The following PAK1 variants were observed in gnomAD, a reference collection of about 807,000 sequenced individuals.
PAK1 encodes serine/threonine-protein kinase PAK 1.
In PAK1, 29 loss-of-function variants were observed where a neutral mutation model predicts 67.4. The ratio of observed to expected loss-of-function variants is 0.43; its 90% CI spans 0.32 to 0.59. PAK1 has a LOEUF of 0.59. PAK1 is among the 20% of genes least tolerant of loss of function. The probability of loss-of-function intolerance (pLI) is 0.07; values close to 1 mark genes in which losing one functional copy is unlikely to be tolerated. For synonymous variants in PAK1, 223 were observed against 237.4 expected, an observed-to-expected ratio of 0.94 and a Z score of 0.56; for missense variants, 337 against 670.7, an observed-to-expected ratio of 0.50 and a Z score of 5.50.
At chr11:77,325,576 G>C (rs1939612383) in intron 14 of PAK1, among the ~76,000 whole-genome samples, 1 of 152,108 alleles carries the variant, frequency 6.6e-6, no homozygotes, top group South Asian at 2.1e-4. Context: ...CTATAATTTG[G>C]TATTTAATTA....
Position 77,332,716 on chromosome 11 carries a change from A to T in PAK1, c.1551+14T>A, listed in dbSNP as rs779434489. On this transcript the variant is annotated intron_variant, in intron 14 of 14. Coordinates refer to ENST00000356341, the MANE Select transcript of PAK1 (RefSeq NM_002576.5). ...TTCCCTGAATTAGGTGCTTCCCTGC[A>T]TAAGGACAGTTACCTGTAGCAGCTC... The T allele has an allele frequency of 5.6e-6, 9 of 1,611,168 alleles. No homozygotes were observed. In the Admixed American group the frequency reaches 1.0e-4, roughly 18 times the overall value.
chr11:77,412,240 G>C (rs1592373713), intron 1 of PAK1, among the ~76,000 whole-genome samples: 1 of 152,264 alleles, frequency 6.6e-6, no homozygotes, highest in Non-Finnish European at 1.5e-5. Flanking sequence ...AGTTTCTACA[G>C]ATGAGTATAG....
upstream of PAK1, among the ~76,000 whole-genome samples, chr11:77,478,273 C>G (rs891995237): frequency 6.6e-6 from 1 of 151,992 alleles, no homozygotes; most frequent in South Asian, 2.1e-4. Flanking sequence ...TTGTATTTCA[C>G]TTTATAAGAA....
chr11:77,483,354 A>G, the PAK1 span, among the ~76,000 whole-genome samples: 1 of 152,238 alleles, frequency 6.6e-6, no homozygotes, highest in African/African-American at 2.4e-5. Flanking sequence ...AAAGGAATAG[A>G]CATGCTGGGA....
the PAK1 span, among the ~76,000 whole-genome samples, chr11:77,513,093 G>GA: frequency 6.6e-6 from 1 of 151,942 alleles, no homozygotes; most frequent in Non-Finnish European, 1.5e-5. Flanking sequence ...CTGTCTCAGA[G>GA]AAAAAGAAAA....
chr11:77,446,945 C>G (rs1229437827), intron 1 of PAK1, among the ~76,000 whole-genome samples: 1 of 151,656 alleles, frequency 6.6e-6, no homozygotes. Flanking sequence ...TAATCTAGAG[C>G]CTTGCATAGT....
chr11:77,411,052 C>T (rs1248292522), intron 1 of PAK1, among the ~76,000 whole-genome samples: 1 of 152,076 alleles, frequency 6.6e-6, no homozygotes, highest in African/African-American at 2.4e-5. Context: ...ACACCTAACA[C>T]ACCTACGCAT....
chr11:77,363,607 T>C (rs906455111), intron 5 of PAK1, among the ~76,000 whole-genome samples: 1 of 152,248 alleles, frequency 6.6e-6, no homozygotes, highest in African/African-American at 2.4e-5. Flanking sequence ...TCATTGCTTT[T>C]TGGGACCCCA....
At chr11:77,330,428 A>G (rs1334994717) in intron 14 of PAK1, among the ~76,000 whole-genome samples, 1 of 152,216 alleles carries the variant, frequency 6.6e-6, no homozygotes, top group African/African-American at 2.4e-5. Context: ...TACTGGTACC[A>G]AAACAGAGAT....
chr11:77,519,242 C>G, the PAK1 span, among the ~76,000 whole-genome samples: 1 of 152,174 alleles, frequency 6.6e-6, no homozygotes, highest in African/African-American at 2.4e-5. Flanking sequence ...AAATCTACAA[C>G]AGTATCTCCC....
the PAK1 span, among the ~76,000 whole-genome samples, chr11:77,508,029 C>T: frequency 6.6e-6 from 1 of 152,206 alleles, no homozygotes; most frequent in Non-Finnish European, 1.5e-5. Context: ...AAGCATTCTT[C>T]TGGCTTCTAT....
At chr11:77,469,790 C>T (rs1957766864) in intron 1 of PAK1, among the ~76,000 whole-genome samples, 1 of 151,142 alleles carries the variant, frequency 6.6e-6, no homozygotes, top group Non-Finnish European at 1.5e-5. Flanking sequence ...TTTGAATATA[C>T]TGACTATTAA....
intron 5 of PAK1, among the ~76,000 whole-genome samples, chr11:77,368,416 C>T (rs1947908817): frequency 6.6e-6 from 1 of 152,112 alleles, no homozygotes; most frequent in African/African-American, 2.4e-5. Context: ...CATTTTGAGA[C>T]CTGAAAGGTA....
chr11:77,416,869 T>C (rs185984717), intron 1 of PAK1, among the ~76,000 whole-genome samples: 156 of 151,790 alleles, frequency 1.0e-3, no homozygotes, highest in African/African-American at 3.6e-3. Flanking sequence ...AGGAGAATGG[T>C]GTGAAACCAG....
Position 77,355,918 on chromosome 11 carries a change from GA to G in PAK1, c.598-77del, listed in dbSNP as rs1945974461. ...GGAACCTCTCCTAGATGTGAGGTTA[GA>G]ACATCCACAGAGCAAACCCCAATAA... On this transcript the variant is annotated intron_variant, in intron 6 of 14. Transcript: ENST00000356341. 5.6e-6 allele frequency: 5 copies of G among 886,550 alleles called. No individual in the cohort carries two copies. The South Asian group carries it at 7.4e-5, about 13-fold the overall frequency. 54.9% of individuals were successfully genotyped at this position (886,550 alleles called of 1,614,324 possible).
At chr11:77,490,346 C>A in the PAK1 span, among the ~76,000 whole-genome samples, 1 of 147,136 alleles carries the variant, frequency 6.8e-6, no homozygotes, top group African/African-American at 2.6e-5. Flanking sequence ...GTCAGCCCCC[C>A]ACCCGGCCAG....
chr11:77,459,756 G>C (rs1457220486), intron 1 of PAK1, among the ~76,000 whole-genome samples: 1 of 147,778 alleles, frequency 6.8e-6, no homozygotes, highest in Non-Finnish European at 1.5e-5. Context: ...GCAGTGGCGC[G>C]ATCTCAGCTC....
At chr11:77,524,442 G>T in the PAK1 span, among the ~76,000 whole-genome samples, 1 of 152,128 alleles carries the variant, frequency 6.6e-6, no homozygotes, top group Non-Finnish European at 1.5e-5. Context: ...TGCCATGCTC[G>T]CTCTCTTCCC....
chr11:77,451,756 G>T (rs562741529), intron 1 of PAK1, among the ~76,000 whole-genome samples: 2 of 150,446 alleles, frequency 1.3e-5, no homozygotes, highest in Non-Finnish European at 3.0e-5. Flanking sequence ...CCACCACCAC[G>T]CCCGGCTAAT....
Sources: allele counts gnomAD v4.1 joint callset (sites outside exome capture counted in the v4.1 genomes callset), GRCh38; gene constraint gnomAD v4.1.1; transcripts MANE v1.5; gene names NCBI Gene and HGNC (gene_info 2026-07-23, HGNC 2026-07-21).